ZMYM2: variants seen among roughly 807,000 people sequenced by gnomAD.
ZMYM2 encodes zinc finger MYM-type containing 2.
Under a neutral mutation model 162.8 loss-of-function variants are expected in ZMYM2, and 56 were observed. The ratio of observed to expected loss-of-function variants is 0.34; its 90% CI spans 0.28 to 0.43. The LOEUF is 0.43. Among genes scored for constraint, ZMYM2 ranks in the 20% least tolerant of loss-of-function variants. The pLI is 1.00. For synonymous variants in ZMYM2, 510 were observed against 541.6 expected (o/e 0.94, Z 0.81); for missense variants, 1,275 against 1,621.8 (o/e 0.79, Z 3.67).
chr13:19,951,331 T>C, the ZMYM2 span, among the ~76,000 whole-genome samples: 1 of 151,992 alleles, frequency 6.6e-6, no homozygotes, highest in Non-Finnish European at 1.5e-5. Context: ...ATATGTCTGA[T>C]AAGAGGTTAC....
chr13:20,013,624 AG>A (rs1951374636), intron 6 of ZMYM2, among the ~76,000 whole-genome samples: 1 of 151,796 alleles, frequency 6.6e-6, no homozygotes, highest in Non-Finnish European at 1.5e-5. Context: ...TTTTTTATTC[AG>A]TTTTTTTAAT....
chr13:19,976,624 A>G (rs2139393728), intron 2 of ZMYM2, among the ~76,000 whole-genome samples: 1 of 152,288 alleles, frequency 6.6e-6, no homozygotes, highest in Middle Eastern at 3.4e-3. Context: ...TATGAATTTG[A>G]CTACTTTAGA....
At chr13:19,877,700 C>A in the ZMYM2 span, among the ~76,000 whole-genome samples, 1 of 152,184 alleles carries the variant, frequency 6.6e-6, no homozygotes, top group African/African-American at 2.4e-5. Context: ...TAAGGTTCAT[C>A]CATGTGGCAG....
chr13:19,885,884 T>TATATATGTATATACACAC, the ZMYM2 span, among the ~76,000 whole-genome samples: 6 of 41,362 alleles, frequency 1.5e-4, no homozygotes, highest in Non-Finnish European at 2.8e-4. Context: ...TATATACACA[T>TATATATGTATATACACAC]ATATATGTGT....
At chr13:20,075,238 A>G (rs1957401942) in intron 21 of ZMYM2, among the ~76,000 whole-genome samples, 1 of 152,222 alleles carries the variant, frequency 6.6e-6, no homozygotes, top group Admixed American at 6.5e-5. Flanking sequence ...GATACAGTTG[A>G]CAGGAAGTAT....
chr13:19,883,444 C>T, the ZMYM2 span, among the ~76,000 whole-genome samples: 13 of 152,216 alleles, frequency 8.5e-5, no homozygotes, highest in South Asian at 2.5e-3. Context: ...ACATCTTTGA[C>T]GCGAAAACTT....
chr13:19,880,117 T>G, the ZMYM2 span, among the ~76,000 whole-genome samples: 5 of 152,108 alleles, frequency 3.3e-5, no homozygotes, highest in South Asian at 2.1e-4. Flanking sequence ...ATGACTGAAT[T>G]ACACCATCAG....
At chr13:19,896,187 A>C in the ZMYM2 span, among the ~76,000 whole-genome samples, 1 of 151,552 alleles carries the variant, frequency 6.6e-6, no homozygotes, top group East Asian at 2.0e-4. Context: ...TCTGTTGCCC[A>C]GGCTGGAGTG....
intron 17 of ZMYM2, among the ~76,000 whole-genome samples, chr13:20,061,927 A>G (rs1371189085): frequency 1.3e-5 from 2 of 151,974 alleles, no homozygotes; most frequent in Non-Finnish European, 2.9e-5. Flanking sequence ...AATTTGCATT[A>G]TCTAAACCAG....
At chr13:19,992,677 AT>A (rs547964381) in intron 2 of ZMYM2, among the ~76,000 whole-genome samples, 283 of 146,350 alleles carry the variant, frequency 1.9e-3, no homozygotes, top group Middle Eastern at 7.1e-3. Context: ...TCAGATTTTG[AT>A]TTTTTTTTTT....
chr13:19,961,360 CAT>C (rs1374754812), intron 2 of ZMYM2, among the ~76,000 whole-genome samples: 3 of 152,136 alleles, frequency 2.0e-5, no homozygotes, highest in Non-Finnish European at 4.4e-5. Flanking sequence ...TCAGAATTAA[CAT>C]AGTCTCTTTT....
At chr13:19,896,594 A>G in the ZMYM2 span, among the ~76,000 whole-genome samples, 1 of 149,038 alleles carries the variant, frequency 6.7e-6, no homozygotes, top group Non-Finnish European at 1.5e-5. Flanking sequence ...GTCTCTACTA[A>G]AAAATAGAAA....
At chr13:19,958,961 T>G (rs1050036433) in intron 1 of ZMYM2, 120 bp downstream of exon 1, 2 of 151,662 alleles carry the variant, frequency 1.3e-5, no homozygotes, top group African/African-American at 4.9e-5. Flanking sequence ...CGGAGATGGG[T>G]GAGGGCAGCC....
At chr13:19,942,539 CAAA>C in the ZMYM2 span, among the ~76,000 whole-genome samples, 6 of 57,310 alleles carry the variant, frequency 1.0e-4, no homozygotes, top group Non-Finnish European at 1.1e-4. Context: ...ACCGTCTCTA[CAAA>C]AAAAAAAAAA....
intron 2 of ZMYM2, among the ~76,000 whole-genome samples, chr13:19,976,617 G>T (rs887572739): frequency 6.6e-6 from 1 of 152,144 alleles, no homozygotes; most frequent in Non-Finnish European, 1.5e-5. Flanking sequence ...TTCTGTTTAT[G>T]AATTTGACTA....
Position 20,061,150 on chromosome 13 carries a change from T to G in ZMYM2, c.2837T>G (p.Leu946Arg). ...AAAAGCAAGGTTTCTTCAGATGCTC[T>G]TGATACAGAGTTGCTTACAATGACG... The part of the protein sequence containing the change: ...ELKSKVSSDA[L>R]DTELLTMTDM... Residue 946 changes from leucine to arginine, a missense_variant, in exon 17 of 25, where the codon CTT becomes CGT. This residue lies in a region of ZMYM2 where 229 missense variants were observed against 283.8 expected (regional missense o/e 0.81). Coordinates refer to ENST00000610343, the MANE Select transcript of ZMYM2 (RefSeq NM_197968.4). 6.2e-7 allele frequency: 1 copy of G among 1,613,678 alleles called. No individual in the cohort carries two copies. The highest frequency in any genetic ancestry group is 1.7e-4 in the Middle Eastern group (1 of 6,060).
chr13:19,967,736 T>C (rs943198085), intron 2 of ZMYM2, among the ~76,000 whole-genome samples: 22 of 152,214 alleles, frequency 1.4e-4, no homozygotes, highest in Non-Finnish European at 2.8e-4. Flanking sequence ...TTCCTGAGAT[T>C]GTTGAGGTGA....
intron 2 of ZMYM2, among the ~76,000 whole-genome samples, chr13:19,983,027 T>C (rs564873762): frequency 3.9e-5 from 6 of 152,388 alleles, no homozygotes; most frequent in African/African-American, 9.6e-5. Flanking sequence ...TAATTTGTTA[T>C]GTAGATACAA....
intron 22 of ZMYM2, 117 bp from the exon 23 acceptor site, chr13:20,082,664 A>G (rs777797408): frequency 3.0e-5 from 26 of 872,686 alleles, no homozygotes; most frequent in South Asian, 2.3e-4. Context: ...TAGTTGATCT[A>G]ATATGAAAGG....
Sources: allele counts gnomAD v4.1 joint callset (sites outside exome capture counted in the v4.1 genomes callset), GRCh38; gene constraint gnomAD v4.1.1; regional missense constraint gnomAD v4.1.1; transcripts MANE v1.5; gene names NCBI Gene and HGNC (gene_info 2026-07-23, HGNC 2026-07-21).